Variants in SLC24A2 observed in about 807,000 individuals in gnomAD.
SLC24A2 encodes sodium/potassium/calcium exchanger 2.
Under a neutral mutation model 62.0 loss-of-function variants are expected in SLC24A2, and 36 were observed. The observed-to-expected ratio is 0.58, with a 90% CI of 0.44 to 0.77. The LOEUF (loss-of-function observed/expected upper bound fraction) is 0.77. SLC24A2 is among the 30% of genes least tolerant of loss of function. SLC24A2 has a pLI of 0.00. For missense variants in SLC24A2, 846 were observed against 817.9 expected, an observed-to-expected ratio of 1.03 and a Z score of -0.42; for synonymous variants, 358 against 294.0, an observed-to-expected ratio of 1.22 and a Z score of -2.23.
At chr9:19,912,807 A>G in the SLC24A2 span, among the ~76,000 whole-genome samples, 1 of 152,086 alleles carries the variant, frequency 6.6e-6, no homozygotes, top group African/African-American at 2.4e-5. Context: ...TTTGAACTCA[A>G]TCCAACCCTT....
chr9:20,041,932 T>G, the SLC24A2 span, among the ~76,000 whole-genome samples: 3 of 152,188 alleles, frequency 2.0e-5, no homozygotes, highest in Admixed American at 2.0e-4. Flanking sequence ...AGAGCCCCCC[T>G]TTCTGTCCCC....
chr9:19,627,801 T>C (rs1818073080), intron 2 of SLC24A2, among the ~76,000 whole-genome samples: 1 of 152,198 alleles, frequency 6.6e-6, no homozygotes, highest in African/African-American at 2.4e-5. Context: ...CCCAAAGTGC[T>C]GAGATTTTAG....
chr9:19,948,414 TAACA>T, the SLC24A2 span, among the ~76,000 whole-genome samples: 15 of 152,130 alleles, frequency 9.9e-5, no homozygotes, highest in East Asian at 2.9e-3. Flanking sequence ...GTAATAAAGA[TAACA>T]AACAAAAGCT....
chr9:20,059,854 G>A, the SLC24A2 span, among the ~76,000 whole-genome samples: 2 of 152,084 alleles, frequency 1.3e-5, no homozygotes, highest in African/African-American at 2.4e-5. Context: ...GAAAATCAAC[G>A]AAACCAAAAG....
intron 8 of SLC24A2, among the ~76,000 whole-genome samples, chr9:19,528,818 C>G (rs962626610): frequency 1.4e-4 from 22 of 152,306 alleles, no homozygotes; most frequent in African/African-American, 4.6e-4. Context: ...GATGGCAGAT[C>G]AGACATTGCT....
At chr9:19,847,649 A>G in the SLC24A2 span, among the ~76,000 whole-genome samples, 4 of 152,224 alleles carry the variant, frequency 2.6e-5, no homozygotes, top group Admixed American at 6.5e-5. Flanking sequence ...GGGAGCTTAC[A>G]CAGAACGCAA....
At chr9:19,661,404 T>C (rs1819095986) in intron 2 of SLC24A2, among the ~76,000 whole-genome samples, 1 of 152,200 alleles carries the variant, frequency 6.6e-6, no homozygotes, top group East Asian at 1.9e-4. Context: ...CCCAGCATCA[T>C]ATCCATGCAG....
At chr9:20,263,454 T>G in the SLC24A2 span, among the ~76,000 whole-genome samples, 1 of 152,038 alleles carries the variant, frequency 6.6e-6, no homozygotes, top group South Asian at 2.1e-4. Context: ...TTACTATGTT[T>G]CCAGGGCTGG....
the SLC24A2 span, among the ~76,000 whole-genome samples, chr9:20,152,971 G>C: frequency 6.6e-6 from 1 of 151,844 alleles, no homozygotes; most frequent in South Asian, 2.1e-4. Context: ...ACGGTGCCTA[G>C]TACTAGGGGT....
At chr9:20,146,023 T>C in the SLC24A2 span, among the ~76,000 whole-genome samples, 1 of 152,118 alleles carries the variant, frequency 6.6e-6, no homozygotes, top group African/African-American at 2.4e-5. Context: ...ATATCTTTTA[T>C]TTACCCAATC....
intron 8 of SLC24A2, among the ~76,000 whole-genome samples, chr9:19,532,414 G>C (rs530066380): frequency 4.6e-5 from 7 of 152,096 alleles, no homozygotes; most frequent in Admixed American, 6.6e-5. Context: ...CTTTAAATCA[G>C]CTCTAAATTA....
chr9:19,972,010 A>C, the SLC24A2 span, among the ~76,000 whole-genome samples: 3 of 152,190 alleles, frequency 2.0e-5, no homozygotes, highest in African/African-American at 7.2e-5. Context: ...GATGGCCACA[A>C]ATCTGGCTCA....
the SLC24A2 span, among the ~76,000 whole-genome samples, chr9:20,063,817 G>T: frequency 2.0e-5 from 3 of 152,030 alleles, no homozygotes; most frequent in African/African-American, 7.2e-5. Flanking sequence ...ACTACAGGGA[G>T]TTACCAATGC....
At position 19,511,375 on chromosome 9, in the gene SLC24A2, G is replaced by A. The variant is rs1832709823; in HGVS notation, c.*4778C>T. ...TACTTTTCTTACCCAAGGTCTTCCT[G>A]AGATTATTTTTTAAAAAAATCTAAA... is the stretch of plus-strand genomic sequence containing the variant. On this transcript the variant is annotated 3_prime_UTR_variant, in exon 11 of 11. Transcript: ENST00000341998. The A allele has an allele frequency of 6.6e-6, 1 of 152,106 alleles. No individual in the cohort carries two copies. The highest frequency in any genetic ancestry group is 6.6e-5 in the Admixed American group (1 of 15,256). 9.4% of individuals were successfully genotyped at this position (152,106 alleles called of 1,614,324 possible).
chr9:20,201,647 C>A, the SLC24A2 span, among the ~76,000 whole-genome samples: 1 of 152,206 alleles, frequency 6.6e-6, no homozygotes, highest in Non-Finnish European at 1.5e-5. Flanking sequence ...CCTCATTCCA[C>A]AAAGAGTCCT....
At chr9:20,095,604 G>A in the SLC24A2 span, among the ~76,000 whole-genome samples, 1 of 151,972 alleles carries the variant, frequency 6.6e-6, no homozygotes, top group Admixed American at 6.6e-5. Flanking sequence ...GGCTCTTCTT[G>A]GTTGAACAGC....
rs529055894 is a variant in SLC24A2, at chr9:19,706,048, T to C, written c.930+79889A>G. On this transcript the variant is annotated intron_variant, in intron 2 of 10. Coordinates refer to ENST00000341998, the MANE Select transcript of SLC24A2 (RefSeq NM_020344.4). ...GACAGTGGGGTGTTAAAGTCTCCCA[T>C]TATTATTGTGTGGGAGTCCAAGTCT... 1.1e-4 allele frequency among the ~76,000 whole-genome samples: 17 copies of C among 152,164 alleles called. No homozygotes were observed. In the East Asian group the frequency reaches 1.5e-3, roughly 14 times the overall value.
At chr9:19,900,086 G>T in the SLC24A2 span, among the ~76,000 whole-genome samples, 1 of 152,188 alleles carries the variant, frequency 6.6e-6, no homozygotes, top group Non-Finnish European at 1.5e-5. Context: ...ATGGCCCAAG[G>T]TTGCAGTCTG....
the SLC24A2 span, among the ~76,000 whole-genome samples, chr9:20,079,518 C>T: frequency 1.3e-5 from 2 of 152,276 alleles, no homozygotes; most frequent in South Asian, 2.1e-4. Context: ...CATGGACATA[C>T]TGCACATTGG....
Sources: gnomAD v4.1 joint callset for allele counts (sites outside exome capture counted in the v4.1 genomes callset) on GRCh38, gnomAD v4.1.1 for gene constraint, MANE v1.5 for transcripts, NCBI Gene and HGNC (gene_info 2026-07-23, HGNC 2026-07-21) for gene names.